Variants in TATDN2 observed in about 807,000 individuals in gnomAD.
The protein encoded by TATDN2 is TatD DNase domain containing 2, also known as 3'-5' RNA nuclease TATDN2.
Under a neutral mutation model 60.3 loss-of-function variants are expected in TATDN2, and 44 were observed. The ratio of observed to expected loss-of-function variants is 0.73; its 90% confidence interval spans 0.57 to 0.94. The LOEUF (loss-of-function observed/expected upper bound fraction) is 0.94, where lower values mean the gene tolerates loss of function less well. TATDN2 is among the 40% of genes least tolerant of loss of function. The pLI is 0.00. For synonymous variants in TATDN2, 399 were observed against 355.8 expected (o/e 1.12, Z -1.37); for missense variants, 997 against 948.0 (o/e 1.05, Z -0.68).
At chr3:10,266,645 C>T (rs530952494) in intron 3 of TATDN2, among the ~76,000 whole-genome samples, 1 of 152,206 alleles carries the variant, frequency 6.6e-6, no homozygotes, top group Non-Finnish European at 1.5e-5. Flanking sequence ...CTTTTCAACT[C>T]TGCATGAAAA....
chr3:10,276,546 A>AT (rs3217211), intron 5 of TATDN2, 58 bp downstream of exon 5: 549,273 of 1,602,346 alleles, frequency 0.34, 95,827 homozygotes, highest in African/African-American at 0.38. Flanking sequence ...TGTCAAGTTG[A>AT]TGAGGACAGC....
intron 5 of TATDN2, among the ~76,000 whole-genome samples, chr3:10,277,209 A>G (rs1698652398): frequency 6.6e-6 from 1 of 152,210 alleles, no homozygotes; most frequent in Non-Finnish European, 1.5e-5. Flanking sequence ...CTTTCTCCCC[A>G]GTTATGAAAA....
chr3:10,257,599 A>AAAAAAAAAAAAAC (rs1156896431), intron 2 of TATDN2, among the ~76,000 whole-genome samples: 1 of 147,348 alleles, frequency 6.8e-6, no homozygotes, highest in Non-Finnish European at 1.5e-5. Flanking sequence ...ACTGTCTCCA[A>AAAAAAAAAAAAAC]AAAAAAAAAA....
chr3:10,253,088 A>G (rs1698255550), intron 2 of TATDN2, among the ~76,000 whole-genome samples: 1 of 151,606 alleles, frequency 6.6e-6, no homozygotes, highest in Non-Finnish European at 1.5e-5. Flanking sequence ...CGATCTCTTG[A>G]CCTCGTGATC....
Position 10,270,163 on chromosome 3 carries a change from C to G in TATDN2, c.981C>G (p.Pro327=), listed in dbSNP as rs144375682. 1.4e-4 allele frequency: 225 copies of G among 1,613,790 alleles called. No homozygotes were observed. The African/African-American group carries it at 2.4e-3, about 17-fold the overall frequency. ...HKDREVVMEH[P]SSGSDWSDVE... ...ATAGGGAGGTGGTGATGGAGCACCC[C>G]TCTTCTGGAAGTGACTGGTCTGATG... The change falls in exon 4 of 8, where the codon CCC becomes CCG. Residue 327 remains proline, a synonymous_variant. Transcript: ENST00000448281.
At chr3:10,254,727 A>G (rs567568800) in intron 2 of TATDN2, among the ~76,000 whole-genome samples, 18 of 152,298 alleles carry the variant, frequency 1.2e-4, no homozygotes, top group South Asian at 1.0e-3. Flanking sequence ...TACTGGTGAT[A>G]GGGCTGGAGC....
rs151079039 is a variant in TATDN2 at position 10,264,956 on chromosome 3, G to A, written c.948+4286G>A. Among the ~76,000 whole-genome samples, 347 of 143,140 alleles carry A rather than the reference G, an allele frequency of 2.4e-3. 3 individuals carry two copies. Among genetic ancestry groups the A allele is most frequent in the Admixed American group, 5.0e-3 (73 of 14,514 alleles). 93.9% of individuals were successfully genotyped at this position (143,140 alleles called of 152,430 possible). ...CTCCCAAAGTGCTGGGATTACAGGC[G>A]TGAGCCACCGCGCCTGGCTCAAGTT... On this transcript the variant is annotated intron_variant, in intron 3 of 7. Transcript: ENST00000448281.
At chr3:10,258,110 C>G (rs992336293) in intron 2 of TATDN2, among the ~76,000 whole-genome samples, 11 of 151,426 alleles carry the variant, frequency 7.3e-5, no homozygotes, top group African/African-American at 2.7e-4. Context: ...TCCCAAAGTG[C>G]TGGGATTACA....
At position 10,279,440 on chromosome 3, in the gene TATDN2, C is replaced by G. The variant is rs115117733; in HGVS notation, c.*258C>G. ...ATAGCACTGGGATTTTGCCTCCCAG[C>G]CAAAATGCTCCAGGGTAGGCAGCAA... is the stretch of plus-strand genomic sequence containing the variant. On this transcript the variant is annotated 3_prime_UTR_variant, in exon 8 of 8. Coordinates refer to ENST00000448281, the MANE Select transcript of TATDN2 (RefSeq NM_014760.4). 358 of 176,744 alleles carry G rather than the reference C, an allele frequency of 2.0e-3. 1 individual carries two copies. The highest frequency in any genetic ancestry group is 7.8e-3 in the African/African-American group (327 of 41,796). The allele number at this position is 176,744 out of a possible 1,614,324, so 10.9% of individuals were successfully genotyped here.
At chr3:10,265,654 C>A (rs1251728282) in intron 3 of TATDN2, among the ~76,000 whole-genome samples, 1 of 142,518 alleles carries the variant, frequency 7.0e-6, no homozygotes, top group African/African-American at 2.6e-5. Context: ...TGCACTCCAG[C>A]CTGGGCAACA....
chr3:10,256,010 C>T lies in TATDN2; in HGVS notation c.415-4127C>T, dbSNP rs1270110230. ...TGAAGAATTGAATGACATCACCTCC[C>T]CATTTTATGTCCTCTTTTCTTATTT... On this transcript the variant is annotated intron_variant, in intron 2 of 7. Coordinates refer to ENST00000448281, the MANE Select transcript of TATDN2 (RefSeq NM_014760.4). Among the ~76,000 whole-genome samples the T allele has an allele frequency of 2.0e-5, 3 of 152,132 alleles. No homozygotes were observed. In the South Asian group the frequency reaches 6.2e-4, roughly 32 times the overall value.
intron 4 of TATDN2, 31 bp downstream of exon 4, chr3:10,271,046 T>G (rs1698556229): frequency 6.6e-7 from 1 of 1,504,562 alleles, no homozygotes; most frequent in African/African-American, 1.4e-5. Flanking sequence ...CTGCTTATAG[T>G]TTTAATTTTT....
rs1466385166 is a variant in TATDN2 at position 10,278,446 on chromosome 3, A to G, written c.2129A>G (p.Tyr710Cys). Residue 710 changes from tyrosine to cysteine, a missense_variant, in exon 6 of 8, where the codon TAT becomes TGT. Tyr to Cys is a radical substitution (Grantham distance 194). Coordinates refer to ENST00000448281, the MANE Select transcript of TATDN2 (RefSeq NM_014760.4). The surrounding 1 kb of genome is among the most constrained non-coding windows in gnomAD (Gnocchi z 4.7). The stretch of plus-strand genomic sequence containing the variant: ...ATCATCGTGGAAACGGATGCTCCCT[A>G]TTTCCTCCCTCGCCAGGTAAGGGGG... ...ERIIVETDAP[Y>C]FLPRQVPKSL... is the part of the protein sequence containing the mutation. 1.2e-6 allele frequency: 2 copies of G among 1,611,328 alleles called. No homozygotes were observed. The highest frequency in any genetic ancestry group is 1.7e-5 in the Admixed American group (1 of 59,934).
chr3:10,257,798 A>G (rs1339477319), intron 2 of TATDN2, among the ~76,000 whole-genome samples: 1 of 147,768 alleles, frequency 6.8e-6, no homozygotes, highest in South Asian at 2.1e-4. Flanking sequence ...TTTCAGGAAA[A>G]TAGATGTCTA....
intron 2 of TATDN2, among the ~76,000 whole-genome samples, chr3:10,258,034 G>A (rs1698342098): frequency 6.8e-6 from 1 of 146,948 alleles, no homozygotes. Context: ...CTAATTTTTT[G>A]TATTTTTAGT....
In TATDN2 at chr3:10,279,021, T is replaced by C. The variant is rs1698682221; in HGVS notation, c.2282T>C (p.Leu761Pro). The change falls in exon 7 of 8, where the codon CTT becomes CCT. Residue 761 changes from leucine (L) to proline (P), a missense_variant. Coordinates refer to ENST00000448281, the MANE Select transcript of TATDN2 (RefSeq NM_014760.4). ...LRENTSRLYSL is the reference protein window; with the variant it reads ...LRENTSRLYSP The stretch of plus-strand genomic sequence containing the variant: ...GAGAACACCAGTCGCCTCTACAGTC[T>C]TTAAGCAGAGAAGGTACAGTCCTCG... The C allele has an allele frequency of 2.5e-6, 4 of 1,614,046 alleles. No individual in the cohort carries two copies. Among genetic ancestry groups the C allele is most frequent in the Non-Finnish European group, 3.4e-6 (4 of 1,180,010 alleles).
At chr3:10,269,599 G>A (rs184598222) in intron 3 of TATDN2, among the ~76,000 whole-genome samples, 260 of 152,242 alleles carry the variant, frequency 1.7e-3, no homozygotes, top group African/African-American at 6.0e-3. Context: ...TACTTGGATG[G>A]CTGAGGCAAG....
intron 3 of TATDN2, among the ~76,000 whole-genome samples, chr3:10,263,639 T>C (rs1206510761): frequency 6.6e-6 from 1 of 152,202 alleles, no homozygotes; most frequent in Non-Finnish European, 1.5e-5. Flanking sequence ...TCTGTTCTTG[T>C]TTCATCTTCT....
chr3:10,266,866 G>C (rs186287393), intron 3 of TATDN2, among the ~76,000 whole-genome samples: 1 of 151,610 alleles, frequency 6.6e-6, no homozygotes, highest in African/African-American at 2.4e-5. Flanking sequence ...TCAGTGCCCA[G>C]TAGTAGGTGC....
Sources: gnomAD v4.1 joint callset for allele counts (sites outside exome capture counted in the v4.1 genomes callset) on GRCh38, gnomAD v4.1.1 for gene constraint, Gnocchi (gnomAD v3.1) non-coding constraint, MANE v1.5 for transcripts, NCBI Gene and HGNC (gene_info 2026-07-23, HGNC 2026-07-21) for gene names.